The following DUSP29 variants were observed in gnomAD, a reference collection of about 807,000 sequenced individuals.
DUSP29 encodes atypical dual-specific protein phosphatase.
DUSP29 carries 12 observed loss-of-function variants against 13.5 expected under a neutral mutation model. The observed-to-expected ratio is 0.89, with a 90% CI of 0.57 to 1.44. DUSP29 has a LOEUF of 1.44. DUSP29 is among the 40% of genes most tolerant of loss of function. The pLI is 0.00. For missense variants in DUSP29, 308 were observed against 301.1 expected, an observed-to-expected ratio of 1.02 and a Z score of -0.17; for synonymous variants, 134 against 128.7, an observed-to-expected ratio of 1.04 and a Z score of -0.28.
intron 1 of DUSP29, among the ~76,000 whole-genome samples, chr10:75,066,308 C>G (rs1002083337): frequency 6.6e-6 from 1 of 151,942 alleles, no homozygotes; most frequent in Non-Finnish European, 1.5e-5. Context: ...TGCCCCATAG[C>G]TGTGGCAGCC....
chr10:75,053,606 C>T (rs938083468), intron 2 of DUSP29, among the ~76,000 whole-genome samples: 4 of 152,190 alleles, frequency 2.6e-5, no homozygotes, highest in Non-Finnish European at 5.9e-5. Flanking sequence ...GTACTCACCG[C>T]TGTTTCTGTT....
intron 1 of DUSP29, 28 bp from the exon 2 acceptor site, chr10:75,058,576 G>GGTTAGCA (rs1847019615): frequency 1.3e-6 from 2 of 1,569,892 alleles, no homozygotes; most frequent in Non-Finnish European, 1.7e-6. Context: ...GCAGGATGGG[G>GGTTAGCA]GTTAGCAGGG....
chr10:75,070,337 A>T (rs1167457677), intron 1 of DUSP29, among the ~76,000 whole-genome samples: 1 of 152,156 alleles, frequency 6.6e-6, no homozygotes, highest in Non-Finnish European at 1.5e-5. Context: ...TCCTGAGGGC[A>T]TGCCTGGGCC....
intron 2 of DUSP29, among the ~76,000 whole-genome samples, chr10:75,049,916 G>T (rs900361321): frequency 3.9e-5 from 6 of 152,218 alleles, no homozygotes; most frequent in African/African-American, 1.4e-4. Flanking sequence ...GGTGGGGCAG[G>T]CTGCAGGCCT....
rs765130964 is a variant in DUSP29 at position 75,043,803 on chromosome 10, C to T, written c.415G>A (p.Asp139Asn). Residue 139 changes from aspartate to asparagine, a missense_variant, in exon 3 of 4, where the codon GAC becomes AAC. Physicochemically the swap from Asp to Asn is conservative, Grantham distance 23. Transcript: ENST00000338487. Reference sequence around the variant, plus strand: ...GGGGCCGCGGGTCTCTTACTGTGGTCGTCGCTTAGCGCTCTGTCGATGAAG... The same window carrying T: ...GGGGCCGCGGGTCTCTTACTGTGGTTGTCGCTTAGCGCTCTGTCGATGAAG... Reference protein sequence around the residue: ...AAFIDRALSDDHSKILVHCVM... With the variant: ...AAFIDRALSDNHSKILVHCVM... The T allele has an allele frequency of 6.2e-7, 1 of 1,612,564 alleles. No homozygotes were observed. The highest frequency in any genetic ancestry group is 8.5e-7 in the Non-Finnish European group (1 of 1,179,832).
intron 1 of DUSP29, among the ~76,000 whole-genome samples, chr10:75,061,121 T>G (rs1403051987): frequency 1.3e-5 from 2 of 152,142 alleles, no homozygotes; most frequent in Non-Finnish European, 2.9e-5. Flanking sequence ...TGAGCTCAAG[T>G]GATCCTCCCA....
chr10:75,063,681 A>T (rs1221666643), intron 1 of DUSP29, among the ~76,000 whole-genome samples: 2 of 151,906 alleles, frequency 1.3e-5, no homozygotes, highest in East Asian at 3.9e-4. Flanking sequence ...GGTGCTCTGC[A>T]TGCCACACCG....
chr10:75,045,105 C>T (rs1846676469), intron 2 of DUSP29, among the ~76,000 whole-genome samples: 2 of 152,224 alleles, frequency 1.3e-5, no homozygotes, highest in Non-Finnish European at 1.5e-5. Context: ...GCCTATAATC[C>T]CAGCACTTTC....
chr10:75,049,577 GTCCTA>G (rs1846781988), intron 2 of DUSP29, among the ~76,000 whole-genome samples: 1 of 152,218 alleles, frequency 6.6e-6, no homozygotes, highest in Non-Finnish European at 1.5e-5. Context: ...GTAGTTGGAA[GTCCTA>G]GTTATTTCAG....
chr10:75,053,674 C>G (rs1271385851), intron 2 of DUSP29, among the ~76,000 whole-genome samples: 1 of 151,782 alleles, frequency 6.6e-6, no homozygotes, highest in Non-Finnish European at 1.5e-5. Context: ...GAAACAGCTT[C>G]TTTACCTGAC....
At chr10:75,042,306 G>A (rs1464715566) in intron 3 of DUSP29, among the ~76,000 whole-genome samples, 3 of 152,252 alleles carry the variant, frequency 2.0e-5, no homozygotes, top group African/African-American at 7.2e-5. Flanking sequence ...CTTCCATGAA[G>A]GGTAAGGTCT....
intron 2 of DUSP29, among the ~76,000 whole-genome samples, chr10:75,045,590 C>G (rs1361104950): frequency 1.3e-5 from 2 of 152,082 alleles, no homozygotes; most frequent in African/African-American, 4.8e-5. Context: ...GATGAGAAGG[C>G]TGAGGAAGAG....
Position 75,037,703 on chromosome 10 carries a change from G to A in DUSP29, c.*133C>T. The A allele has an allele frequency of 6.9e-7, 1 of 1,443,016 alleles. No individual in the cohort carries two copies. The highest frequency in any genetic ancestry group is 1.4e-5 in the African/African-American group (1 of 70,794). The allele number at this position is 1,443,016 out of a possible 1,614,324, so 89.4% of individuals were successfully genotyped here. On this transcript the variant is annotated 3_prime_UTR_variant, in exon 4 of 4. Transcript: ENST00000338487. ...GTCCTCCCTGTCCCCAGCACACATG[G>A]GGAAGTTGAACAAGATGGTTTGGAA... is the stretch of plus-strand genomic sequence containing the variant.
intron 2 of DUSP29, among the ~76,000 whole-genome samples, chr10:75,051,481 C>T (rs1182339534): frequency 1.3e-5 from 2 of 152,240 alleles, no homozygotes; most frequent in Admixed American, 6.5e-5. Flanking sequence ...TGCTTGGCCG[C>T]TCCACCTATC....
At chr10:75,062,550 C>G (rs1236423949) in intron 1 of DUSP29, among the ~76,000 whole-genome samples, 2 of 152,156 alleles carry the variant, frequency 1.3e-5, no homozygotes, top group African/African-American at 4.8e-5. Context: ...GCAGAGTGAG[C>G]CCTGGGATCT....
chr10:75,041,371 C>T (rs1290094015), intron 3 of DUSP29, among the ~76,000 whole-genome samples: 1 of 152,154 alleles, frequency 6.6e-6, no homozygotes, highest in Non-Finnish European at 1.5e-5. Flanking sequence ...ACCTAAAAAT[C>T]GAGTGATTTT....
intron 1 of DUSP29, among the ~76,000 whole-genome samples, chr10:75,066,135 C>A (rs991001160): frequency 6.6e-6 from 1 of 152,280 alleles, no homozygotes; most frequent in African/African-American, 2.4e-5. Flanking sequence ...AAGCAAGAGA[C>A]TTTTGAGTTT....
At chr10:75,045,972 C>T (rs568747742) in intron 2 of DUSP29, among the ~76,000 whole-genome samples, 5 of 151,916 alleles carry the variant, frequency 3.3e-5, no homozygotes, top group South Asian at 4.2e-4. Context: ...AAAAATTAGC[C>T]GGGCATGCTG....
chr10:75,070,306 T>C (rs1847303518), intron 1 of DUSP29, among the ~76,000 whole-genome samples: 1 of 152,084 alleles, frequency 6.6e-6, no homozygotes, highest in Non-Finnish European at 1.5e-5. Flanking sequence ...TTCACTATAT[T>C]CTTGGTCACA....
Sources: gnomAD v4.1 joint callset for allele counts (sites outside exome capture counted in the v4.1 genomes callset) on GRCh38, gnomAD v4.1.1 for gene constraint, MANE v1.5 for transcripts, NCBI Gene and HGNC (gene_info 2026-07-23, HGNC 2026-07-21) for gene names.